ZFR: variants seen among roughly 807,000 people sequenced by gnomAD.
ZFR encodes the protein zinc finger RNA binding protein.
A neutral mutation model predicts 130.7 loss-of-function variants in ZFR; 19 were observed. That is an observed-to-expected ratio of 0.15 (90% CI 0.10 to 0.21). The LOEUF is 0.21. ZFR is among the 10% of genes least tolerant of loss of function. ZFR has a pLI of 1.00. For missense variants in ZFR, 872 were observed against 1,321.5 expected (o/e 0.66, Z 5.27); for synonymous variants, 466 against 456.9 (o/e 1.02, Z -0.25).
At chr5:32,436,308 C>A (rs1274909025) in intron 2 of ZFR, among the ~76,000 whole-genome samples, 3 of 151,776 alleles carry the variant, frequency 2.0e-5, no homozygotes, top group Admixed American at 6.6e-5. Context: ...ACCACCACGC[C>A]CGGCTGATTT....
intron 8 of ZFR, among the ~76,000 whole-genome samples, chr5:32,402,806 A>C (rs921594373): frequency 1.3e-5 from 2 of 151,180 alleles, no homozygotes; most frequent in South Asian, 2.1e-4. Context: ...AACAAAAAAA[A>C]CCAATCAGGT....
chr5:32,431,274 G>T (rs1485605369), intron 2 of ZFR, among the ~76,000 whole-genome samples: 5 of 152,098 alleles, frequency 3.3e-5, no homozygotes, highest in Admixed American at 1.3e-4. Context: ...TGGTCACGGG[G>T]TTAAAAAAAT....
At chr5:32,426,873 C>G (rs1754084760) in intron 2 of ZFR, among the ~76,000 whole-genome samples, 1 of 146,344 alleles carries the variant, frequency 6.8e-6, no homozygotes, top group African/African-American at 2.5e-5. Context: ...CCACGGCACT[C>G]CAGCCTGGAT....
chr5:32,373,265 T>C (rs2111688653), intron 17 of ZFR, among the ~76,000 whole-genome samples: 1 of 152,154 alleles, frequency 6.6e-6, no homozygotes, highest in South Asian at 2.1e-4. Flanking sequence ...TGGTGGTGCA[T>C]GCCTGTAATC....
intron 17 of ZFR, among the ~76,000 whole-genome samples, chr5:32,368,251 C>A (rs866123159): frequency 0.017 from 2,551 of 152,036 alleles, 37 homozygotes; most frequent in Non-Finnish European, 0.026. Context: ...TTTTCCCCCC[C>A]CAACAAGAGA....
intron 6 of ZFR, among the ~76,000 whole-genome samples, chr5:32,404,739 T>C (rs1190150823): frequency 2.6e-5 from 4 of 152,222 alleles, no homozygotes; most frequent in Non-Finnish European, 5.9e-5. Context: ...ATGCACATGA[T>C]TGAGGAAGGC....
intron 19 of ZFR, among the ~76,000 whole-genome samples, chr5:32,362,653 C>T (rs866582817): frequency 6.6e-6 from 1 of 152,190 alleles, no homozygotes; most frequent in African/African-American, 2.4e-5. Context: ...TTCTTCCTAT[C>T]CTTAAACACT....
chr5:32,375,683 C>T (rs1272191705), intron 17 of ZFR, among the ~76,000 whole-genome samples: 1 of 151,918 alleles, frequency 6.6e-6, no homozygotes, highest in African/African-American at 2.4e-5. Flanking sequence ...ATTTTTCTAT[C>T]TTTTCTAGAG....
At chr5:32,444,349 C>A in intron 1 of ZFR, 21 bp from the exon 2 acceptor site, 1 of 1,534,292 alleles carries the variant, frequency 6.5e-7, no homozygotes, top group Non-Finnish European at 8.8e-7. Flanking sequence ...CACGAAGAGT[C>A]GGGTCCCATG....
chr5:32,391,525 C>CT (rs34370191), intron 11 of ZFR, among the ~76,000 whole-genome samples: 117 of 134,140 alleles, frequency 8.7e-4, no homozygotes, highest in East Asian at 1.5e-3. Flanking sequence ...GAAATCTACT[C>CT]TTTTTTTTTT....
chr5:32,385,782 C>T (rs1377547629), intron 14 of ZFR, 133 bp from the exon 15 acceptor site: 5 of 878,724 alleles, frequency 5.7e-6, no homozygotes, highest in Admixed American at 2.9e-5. Flanking sequence ...ACTGCTCCTT[C>T]TAGGAAGCCC....
At chr5:32,394,515 A>G (rs533436681) in intron 11 of ZFR, 65 of 164,026 alleles carry the variant, frequency 4.0e-4, no homozygotes, top group Non-Finnish European at 7.3e-4. Flanking sequence ...GCAAATCTAT[A>G]GAGACAGAAA....
At chr5:32,421,591 T>C (rs976555963) in intron 2 of ZFR, among the ~76,000 whole-genome samples, 10 of 152,104 alleles carry the variant, frequency 6.6e-5, no homozygotes, top group Non-Finnish European at 1.3e-4. Flanking sequence ...AAATTCAGTC[T>C]AGAAAAGGTG....
At position 32,390,804 on chromosome 5, in the gene ZFR, T is replaced by C. The variant is rs1437629858; in HGVS notation, c.1980-367A>G. ...GATCAACATTTGGGAATTTTCTTCA[T>C]GTCCTCAAAGAAACATGCTCTTTCC... On this transcript the variant is annotated intron_variant, in intron 11 of 19. Transcript: ENST00000265069. Among the ~76,000 whole-genome samples the C allele has an allele frequency of 2.6e-5, 4 of 152,346 alleles. 1 individual carries two copies. In the South Asian group the frequency reaches 6.2e-4, roughly 24 times the overall value.
intron 19 of ZFR, among the ~76,000 whole-genome samples, chr5:32,358,480 G>A (rs1050043043): frequency 1.3e-5 from 2 of 152,134 alleles, no homozygotes; most frequent in Non-Finnish European, 1.5e-5. Flanking sequence ...CTAACACGGT[G>A]AAACCCCGTC....
At chr5:32,428,966 T>C (rs1024350596) in intron 2 of ZFR, among the ~76,000 whole-genome samples, 2 of 134,562 alleles carry the variant, frequency 1.5e-5, no homozygotes, top group Non-Finnish European at 1.6e-5. Context: ...GAAAAAAGTC[T>C]TCTTACATCT....
chr5:32,438,064 C>T (rs1381056110), intron 2 of ZFR, among the ~76,000 whole-genome samples: 2 of 151,984 alleles, frequency 1.3e-5, no homozygotes, highest in East Asian at 3.9e-4. Context: ...TGAACACAGT[C>T]CATCTTTGTC....
intron 5 of ZFR, among the ~76,000 whole-genome samples, chr5:32,413,052 G>C (rs916560142): frequency 6.6e-6 from 1 of 152,104 alleles, no homozygotes; most frequent in Non-Finnish European, 1.5e-5. Context: ...AGCCAGGCGT[G>C]GTGGCGCACG....
intron 19 of ZFR, 114 bp from the exon 20 acceptor site, chr5:32,356,053 C>G (rs1444418687): frequency 7.9e-6 from 6 of 758,030 alleles, no homozygotes; most frequent in Non-Finnish European, 1.2e-5. Flanking sequence ...ATGAAAGAAA[C>G]ATTTAAAGGA....
Sources: allele counts gnomAD v4.1 joint callset (sites outside exome capture counted in the v4.1 genomes callset), GRCh38; gene constraint gnomAD v4.1.1; transcripts MANE v1.5; gene names NCBI Gene and HGNC (gene_info 2026-07-23, HGNC 2026-07-21).